The following ATAD2 variants were observed in gnomAD, a reference collection of about 807,000 sequenced individuals.
ATAD2 encodes ATPase family AAA domain-containing protein 2.
ATAD2 carries 62 observed loss-of-function variants against 168.9 expected under a neutral mutation model. That is an observed-to-expected ratio of 0.37 (90% CI 0.30 to 0.45). The LOEUF is 0.45. ATAD2 is among the 20% of genes least tolerant of loss of function. ATAD2 has a pLI of 1.00. For synonymous variants in ATAD2, 613 were observed against 571.6 expected, an observed-to-expected ratio of 1.07 and a Z score of -1.03; for missense variants, 1,419 against 1,667.8, an observed-to-expected ratio of 0.85 and a Z score of 2.60.
chr8:123,349,584 T>TA (rs1426197111), intron 13 of ATAD2, 140 bp from the exon 14 acceptor site: 17 of 747,022 alleles, frequency 2.3e-5, no homozygotes, highest in South Asian at 1.9e-4. Context: ...TCCAATGGAT[T>TA]AAAAAAATCT....
intron 1 of ATAD2, among the ~76,000 whole-genome samples, chr8:123,388,972 C>CTT (rs530665232): frequency 2.8e-5 from 4 of 144,004 alleles, no homozygotes; most frequent in African/African-American, 5.1e-5. Context: ...TCTTCTCTCT[C>CTT]TTTTTTTTTT....
At chr8:123,321,216 T>C (rs1827460343) in intron 27 of ATAD2, 41 bp from the exon 28 acceptor site, 3 of 1,509,034 alleles carry the variant, frequency 2.0e-6, no homozygotes, top group East Asian at 2.3e-5. Context: ...AGTTTCAATA[T>C]GGAATAAGCT....
Position 123,347,327 on chromosome 8 carries a change from A to G in ATAD2, c.1977T>C (p.Tyr659=), listed in dbSNP as rs1563842515. 1 of 1,613,838 alleles carries G rather than the reference A, an allele frequency of 6.2e-7. No individual in the cohort carries two copies. The highest frequency in any genetic ancestry group is 8.5e-7 in the Non-Finnish European group (1 of 1,179,968). Residue 659 remains tyrosine (Y), a synonymous_variant, in exon 16 of 28, where the codon TAT becomes TAC. Coordinates refer to ENST00000287394, the MANE Select transcript of ATAD2 (RefSeq NM_014109.4). ...CALRRRYPQI[Y]TTSEKLQLDL... ...CCAACTGCAGTTTCTCACTAGTGGT[A>G]TAGATCTGTGGGTAGCGTCGTCGTA...
chr8:123,347,411 C>CCAAAG lies in ATAD2; in HGVS notation c.1898-10_1898-6dup. ...TAATATCTGCTCCACAGTATCCTAT[C>CCAAAG]CAAAGCAACCAGGGGAAGAAAAGAA... On this transcript the variant is annotated splice_polypyrimidine_tract_variant and splice_region_variant and intron_variant, in intron 15 of 27. Coordinates refer to ENST00000287394, the MANE Select transcript of ATAD2 (RefSeq NM_014109.4). 6.3e-7 allele frequency: 1 copy of CCAAAG among 1,577,612 alleles called. No homozygotes were observed. Among genetic ancestry groups the CCAAAG allele is most frequent in the Non-Finnish European group, 8.6e-7 (1 of 1,160,920 alleles).
At chr8:123,362,540 C>T (rs924190559) in intron 8 of ATAD2, among the ~76,000 whole-genome samples, 3 of 151,786 alleles carry the variant, frequency 2.0e-5, no homozygotes, top group Non-Finnish European at 2.9e-5. Context: ...CTCAGCCTCC[C>T]GAGCAGCTGG....
intron 4 of ATAD2, 107 bp from the exon 5 acceptor site, chr8:123,371,445 AT>A (rs1457833769): frequency 4.3e-6 from 4 of 934,064 alleles, no homozygotes; most frequent in Non-Finnish European, 6.2e-6. Flanking sequence ...GGTTTTAAAT[AT>A]TTTTATAAGA....
chr8:123,387,324 C>A (rs935092541), intron 1 of ATAD2, among the ~76,000 whole-genome samples: 1 of 151,988 alleles, frequency 6.6e-6, no homozygotes, highest in Non-Finnish European at 1.5e-5. Context: ...GCAATTTTTT[C>A]TGATGTTATA....
chr8:123,396,361 C>G lies in ATAD2; in HGVS notation c.-4G>C. The G allele has an allele frequency of 6.3e-7, 1 of 1,583,026 alleles. No homozygotes were observed. The highest frequency in any genetic ancestry group is 1.7e-5 in the Admixed American group (1 of 58,562). On this transcript the variant is annotated 5_prime_UTR_variant, in exon 1 of 28. Coordinates refer to ENST00000287394, the MANE Select transcript of ATAD2 (RefSeq NM_014109.4). ...AGCTGCTGCGGAGAACCACCATCTT[C>G]TCTCCCTACTGGCCTCGGCGTGCGC...
At chr8:123,351,248 C>CT (rs1828447925) in intron 13 of ATAD2, among the ~76,000 whole-genome samples, 1 of 152,098 alleles carries the variant, frequency 6.6e-6, no homozygotes, top group African/African-American at 2.4e-5. Context: ...TATCTTACTG[C>CT]TTGAGTGGCC....
At chr8:123,377,088 T>C (rs1441960585) in intron 2 of ATAD2, among the ~76,000 whole-genome samples, 2 of 1,206 alleles carry the variant, frequency 1.7e-3, no homozygotes, top group Admixed American at 0.016. Flanking sequence ...TGAGACTCCG[T>C]CTCAAAAAAA....
Position 123,319,852 on chromosome 8 carries a change from TAA to T in ATAD2, c.*1280_*1281del, listed in dbSNP as rs1402470067. Reference sequence around the variant, plus strand: ...AATACTTAAGAAATAGAAACAAATTTAAGAGAGTTTTCACCTTTAAAATTTAT... The same window carrying T: ...AATACTTAAGAAATAGAAACAAATTTGAGAGTTTTCACCTTTAAAATTTAT... On this transcript the variant is annotated 3_prime_UTR_variant, in exon 28 of 28. Transcript: ENST00000287394. 6.6e-6 allele frequency: 1 copy of T among 152,170 alleles called. No homozygotes were observed. Among genetic ancestry groups the T allele is most frequent in the Non-Finnish European group, 1.5e-5 (1 of 68,016 alleles). The allele number at this position is 152,170 out of a possible 1,614,324, so 9.4% of individuals were successfully genotyped here.
intron 13 of ATAD2, among the ~76,000 whole-genome samples, chr8:123,353,120 T>C (rs901581600): frequency 2.7e-5 from 4 of 150,790 alleles, no homozygotes; most frequent in African/African-American, 9.8e-5. Flanking sequence ...TCCCAGCACT[T>C]TGGGAGGCTG....
intron 1 of ATAD2, among the ~76,000 whole-genome samples, chr8:123,411,567 C>A (rs911345940): frequency 2.0e-5 from 3 of 152,206 alleles, no homozygotes; most frequent in Admixed American, 2.0e-4. Context: ...AATCAGAGAG[C>A]TCACTAAAAT....
At chr8:123,337,218 C>A (rs200541467) in intron 21 of ATAD2, among the ~76,000 whole-genome samples, 2 of 152,000 alleles carry the variant, frequency 1.3e-5, no homozygotes, top group East Asian at 3.9e-4. Context: ...CAAAAATTAG[C>A]TGGACGTGGT....
intron 1 of ATAD2, among the ~76,000 whole-genome samples, chr8:123,387,663 A>C (rs1829683250): frequency 6.6e-6 from 1 of 152,218 alleles, no homozygotes. Flanking sequence ...TGAAGTTTTA[A>C]GAGAGGAAAT....
intron 8 of ATAD2, among the ~76,000 whole-genome samples, chr8:123,365,923 G>A (rs1828963125): frequency 6.6e-6 from 1 of 152,138 alleles, no homozygotes; most frequent in Non-Finnish European, 1.5e-5. Flanking sequence ...AAACAGGTGG[G>A]ACTTAATTAA....
intron 8 of ATAD2, 59 bp from the exon 9 acceptor site, chr8:123,361,705 T>C (rs1828831125): frequency 7.2e-7 from 1 of 1,382,212 alleles, no homozygotes; most frequent in Non-Finnish European, 1.0e-6. Context: ...AGAAAAGGCA[T>C]AAGAAAAGCA....
At chr8:123,406,400 A>AG (rs71310672) in intron 1 of ATAD2, among the ~76,000 whole-genome samples, 2 of 150,312 alleles carry the variant, frequency 1.3e-5, no homozygotes, top group Non-Finnish European at 3.0e-5. Context: ...AAAAAAAAAA[A>AG]TAGTTTTAAT....
chr8:123,336,559 A>C (rs4006498), intron 21 of ATAD2, 27 bp from the exon 22 acceptor site: 1 of 1,472,526 alleles, frequency 6.8e-7, no homozygotes, highest in Middle Eastern at 1.8e-4. Flanking sequence ...TGATCAAATC[A>C]CAAAATTAAC....
Sources: gnomAD v4.1 joint callset for allele counts (sites outside exome capture counted in the v4.1 genomes callset) on GRCh38, gnomAD v4.1.1 for gene constraint, MANE v1.5 for transcripts, NCBI Gene and HGNC (gene_info 2026-07-23, HGNC 2026-07-21) for gene names.